Variants in IQSEC1 observed in about 807,000 individuals in gnomAD.
The protein encoded by IQSEC1 is IQ motif and Sec7 domain ArfGEF 1.
A neutral mutation model predicts 91.0 loss-of-function variants in IQSEC1; 31 were observed. The ratio of observed to expected loss-of-function variants is 0.34; its 90% CI spans 0.26 to 0.46. The LOEUF (loss-of-function observed/expected upper bound fraction) is 0.46. Ranked by LOEUF, IQSEC1 falls within the 20% of genes least tolerant of loss-of-function variation. IQSEC1 has a pLI of 1.00. For synonymous variants in IQSEC1, 699 were observed against 662.6 expected, an observed-to-expected ratio of 1.05 and a Z score of -0.84; for missense variants, 1,388 against 1,575.6, an observed-to-expected ratio of 0.88 and a Z score of 2.02.
At chr3:13,172,434 C>A (rs1211733312) in intron 1 of IQSEC1, among the ~76,000 whole-genome samples, 1 of 152,204 alleles carries the variant, frequency 6.6e-6, no homozygotes, top group African/African-American at 2.4e-5. Flanking sequence ...AAGACTGAAG[C>A]TGGTTCATCC....
intron 10 of IQSEC1, among the ~76,000 whole-genome samples, chr3:12,910,605 C>T (rs188096479): frequency 7.3e-4 from 111 of 152,348 alleles, no homozygotes; most frequent in Non-Finnish European, 3.7e-4. Flanking sequence ...CCAGGGCAGG[C>T]ATGCCATGCC....
chr3:12,924,828 C>A lies in IQSEC1; in HGVS notation c.1569-86G>T. On this transcript the variant is annotated intron_variant, in intron 3 of 13. Transcript: ENST00000613206. This position sits in a 1 kb window ranked among gnomAD's most constrained non-coding sequence, Gnocchi z 6.3. ...AGGGGATCTCCGCTCAGTGGACGGT[C>A]GACATTCTCCCTCCCTGCCCACCTG... is the stretch of plus-strand genomic sequence containing the variant. 7.8e-7 allele frequency: 1 copy of A among 1,287,724 alleles called. No homozygotes were observed. Among genetic ancestry groups the A allele is most frequent in the South Asian group, 1.5e-5 (1 of 66,734 alleles). 79.8% of individuals were successfully genotyped at this position (1,287,724 alleles called of 1,614,324 possible).
intron 1 of IQSEC1, among the ~76,000 whole-genome samples, chr3:13,275,879 C>A (rs1000195638): frequency 6.6e-6 from 1 of 152,194 alleles, no homozygotes; most frequent in East Asian, 1.9e-4. Flanking sequence ...CCACAGCAGG[C>A]GCTCTACCGA....
intron 1 of IQSEC1, among the ~76,000 whole-genome samples, chr3:13,005,711 G>A (rs1702607399): frequency 6.6e-6 from 1 of 152,208 alleles, no homozygotes; most frequent in South Asian, 2.1e-4. Flanking sequence ...TATAGCTGGT[G>A]GCTACTGCTC....
chr3:13,058,324 G>T (rs1280479189), intron 1 of IQSEC1, among the ~76,000 whole-genome samples: 1 of 152,208 alleles, frequency 6.6e-6, no homozygotes, highest in Non-Finnish European at 1.5e-5. Flanking sequence ...GCCAGACACT[G>T]GGCTGGGCAC....
intron 1 of IQSEC1, among the ~76,000 whole-genome samples, chr3:12,962,182 G>A (rs897464734): frequency 2.0e-5 from 3 of 152,188 alleles, no homozygotes; most frequent in African/African-American, 7.2e-5. Flanking sequence ...TCTCAGGATG[G>A]GAGACCTTTG....
chr3:12,930,527 G>A (rs551039714), intron 3 of IQSEC1, among the ~76,000 whole-genome samples: 17 of 152,188 alleles, frequency 1.1e-4, no homozygotes, highest in African/African-American at 3.9e-4. Context: ...AGAAGGAGCC[G>A]ATGAGGGGAG....
At chr3:13,204,711 C>T (rs754999001) in intron 1 of IQSEC1, among the ~76,000 whole-genome samples, 2 of 152,164 alleles carry the variant, frequency 1.3e-5, no homozygotes, top group Non-Finnish European at 2.9e-5. Context: ...TCGTGCTGTC[C>T]GTTTTCTCTA....
chr3:13,120,307 G>A (rs1706402545), intron 2 of IQSEC1, among the ~76,000 whole-genome samples: 1 of 152,152 alleles, frequency 6.6e-6, no homozygotes, highest in Admixed American at 6.5e-5. Context: ...TACAAATGAG[G>A]AACTGAGGCT....
intron 2 of IQSEC1, among the ~76,000 whole-genome samples, chr3:13,161,980 C>T (rs1223707853): frequency 6.6e-6 from 1 of 152,204 alleles, no homozygotes; most frequent in Non-Finnish European, 1.5e-5. Flanking sequence ...ACCGAAATGT[C>T]GTTCCCATCC....
chr3:13,206,543 T>C (rs775004537), intron 1 of IQSEC1, among the ~76,000 whole-genome samples: 1 of 152,220 alleles, frequency 6.6e-6, no homozygotes, highest in African/African-American at 2.4e-5. Context: ...TAAAAACTCA[T>C]GAGTTTGCAG....
intron 1 of IQSEC1, chr3:13,015,567 G>A (rs1328185295): frequency 5.1e-6 from 5 of 985,288 alleles, no homozygotes; most frequent in Non-Finnish European, 6.0e-6. Context: ...GGCCAGGTGG[G>A]TGGTACTCAC....
At chr3:13,050,006 CAGTGGCCCCTG>C (rs1471089810) in intron 1 of IQSEC1, among the ~76,000 whole-genome samples, 1 of 152,114 alleles carries the variant, frequency 6.6e-6, no homozygotes, top group Non-Finnish European at 1.5e-5. Flanking sequence ...CCACAGCAGG[CAGTGGCCCCTG>C]CCTGCCCTCT....
chr3:12,931,362 T>A, intron 3 of IQSEC1, among the ~76,000 whole-genome samples: 1 of 152,220 alleles, frequency 6.6e-6, no homozygotes. Context: ...GGAGCAGCAC[T>A]GCACATCCTC....
At chr3:13,147,867 A>G (rs1192723984) in intron 2 of IQSEC1, among the ~76,000 whole-genome samples, 1 of 152,332 alleles carries the variant, frequency 6.6e-6, no homozygotes, top group East Asian at 1.9e-4. Context: ...TCCTGACCTC[A>G]GGTGATCTGC....
At chr3:13,128,812 G>T (rs1706560229) in intron 2 of IQSEC1, among the ~76,000 whole-genome samples, 1 of 148,548 alleles carries the variant, frequency 6.7e-6, no homozygotes, top group East Asian at 2.0e-4. Context: ...GGGAGGCGGA[G>T]GTTGCAGTGA....
intron 2 of IQSEC1, among the ~76,000 whole-genome samples, chr3:13,079,662 C>T (rs1323479230): frequency 3.9e-5 from 6 of 152,316 alleles, no homozygotes; most frequent in East Asian, 1.9e-4. Flanking sequence ...TGCAGGTTCT[C>T]ATCACCGGAG....
chr3:13,184,516 T>G (rs1693898366), intron 1 of IQSEC1, among the ~76,000 whole-genome samples: 1 of 152,114 alleles, frequency 6.6e-6, no homozygotes, highest in Non-Finnish European at 1.5e-5. Context: ...AAAGAATGGG[T>G]GTTTTCCCCT....
chr3:12,980,679 G>T (rs1701407576), intron 1 of IQSEC1, among the ~76,000 whole-genome samples: 1 of 152,142 alleles, frequency 6.6e-6, no homozygotes, highest in Admixed American at 6.5e-5. Context: ...GGAGGGGCTG[G>T]GATGGGACCT....
Sources: gnomAD v4.1 joint callset for allele counts (sites outside exome capture counted in the v4.1 genomes callset) on GRCh38, gnomAD v4.1.1 for gene constraint, Gnocchi (gnomAD v3.1) non-coding constraint, MANE v1.5 for transcripts, NCBI Gene and HGNC (gene_info 2026-07-23, HGNC 2026-07-21) for gene names.